The following RC3H1 variants were observed in gnomAD, a reference collection of about 807,000 sequenced individuals.
RC3H1 encodes ring finger and CCCH-type domains 1, also known as roquin-1.
Under a neutral mutation model 138.2 loss-of-function variants are expected in RC3H1, and 50 were observed. That is an observed-to-expected ratio of 0.36 (90% CI 0.29 to 0.46). The LOEUF is 0.46. Among genes scored for constraint, RC3H1 ranks in the 20% least tolerant of loss-of-function variants. RC3H1 has a pLI of 1.00. For synonymous variants in RC3H1, 462 were observed against 489.1 expected (o/e 0.94, Z 0.73); for missense variants, 1,031 against 1,388.1 (o/e 0.74, Z 4.09).
rs370550482 is a variant in RC3H1, at chr1:173,968,856, A to ATTT, written c.1334+1646_1334+1648dup. 2.4e-3 allele frequency among the ~76,000 whole-genome samples: 307 copies of ATTT among 128,078 alleles called. 7 individuals carry two copies. The highest frequency in any genetic ancestry group is 7.0e-3 in the African/African-American group (232 of 33,258). The allele number at this position is 128,078 out of a possible 152,430, so 84.0% of individuals were successfully genotyped here. ...ATTTCTGTTGTATTAAGGAATTTTG[A>ATTT]TTTTTTTTTTTTTTTTTTTGGAGAC... On this transcript the variant is annotated intron_variant, in intron 9 of 19. Coordinates refer to ENST00000367696, the MANE Select transcript of RC3H1 (RefSeq NM_172071.4).
At position 173,933,816 on chromosome 1, in the gene RC3H1, G is replaced by C. The variant is rs1381118444; in HGVS notation, c.*4905C>G. ...GCTTGTTTAGGTGCTAATGATGAAAGTAAAATTTGCTTTAGTTTAGTAGGT... is the reference window on the plus strand; with the variant it reads ...GCTTGTTTAGGTGCTAATGATGAAACTAAAATTTGCTTTAGTTTAGTAGGT... On this transcript the variant is annotated 3_prime_UTR_variant, in exon 20 of 20. Transcript: ENST00000367696. 6.6e-6 allele frequency: 1 copy of C among 152,138 alleles called. No homozygotes were observed. Among genetic ancestry groups the C allele is most frequent in the African/African-American group, 2.4e-5 (1 of 41,434 alleles). 9.4% of individuals were successfully genotyped at this position (152,138 alleles called of 1,614,324 possible).
At chr1:174,015,415 T>C (rs1316970962) in intron 1 of RC3H1, among the ~76,000 whole-genome samples, 1 of 151,482 alleles carries the variant, frequency 6.6e-6, no homozygotes, top group Non-Finnish European at 1.5e-5. Flanking sequence ...CAGGCTGGAG[T>C]GCAGTGGCAT....
At chr1:173,971,662 T>G (rs946526301) in intron 8 of RC3H1, among the ~76,000 whole-genome samples, 4 of 152,216 alleles carry the variant, frequency 2.6e-5, no homozygotes, top group Non-Finnish European at 4.4e-5. Context: ...TCAAGATGTC[T>G]AATGAAACAG....
chr1:173,951,132 C>G (rs1283160466), intron 14 of RC3H1, among the ~76,000 whole-genome samples: 1 of 152,074 alleles, frequency 6.6e-6, no homozygotes, highest in Non-Finnish European at 1.5e-5. Context: ...CAAGACCAGC[C>G]TGACCAACAT....
At chr1:173,991,736 A>T (rs192635870) in intron 2 of RC3H1, among the ~76,000 whole-genome samples, 29 of 152,218 alleles carry the variant, frequency 1.9e-4, no homozygotes, top group African/African-American at 6.5e-4. Flanking sequence ...CAATTTTGCA[A>T]CTTTTACTGA....
chr1:173,950,972 A>G (rs1207572332), intron 14 of RC3H1, among the ~76,000 whole-genome samples: 1 of 152,066 alleles, frequency 6.6e-6, no homozygotes, highest in African/African-American at 2.4e-5. Context: ...ACAGTGAACC[A>G]TAATCATGTT....
At chr1:173,980,007 A>G (rs1008373084) in intron 6 of RC3H1, among the ~76,000 whole-genome samples, 3 of 151,128 alleles carry the variant, frequency 2.0e-5, no homozygotes, top group Non-Finnish European at 2.9e-5. Flanking sequence ...CCTCCCAGGT[A>G]GCTGAGACTA....
At chr1:173,971,209 G>A (rs1052152622) in intron 8 of RC3H1, among the ~76,000 whole-genome samples, 46 of 152,142 alleles carry the variant, frequency 3.0e-4, no homozygotes, top group Admixed American at 4.6e-4. Flanking sequence ...TGATCCGCCT[G>A]CCTCAGCCTC....
chr1:173,969,031 G>A (rs1188626030), intron 9 of RC3H1, among the ~76,000 whole-genome samples: 2 of 151,554 alleles, frequency 1.3e-5, no homozygotes, highest in African/African-American at 4.8e-5. Context: ...GCTAATTTTT[G>A]TGTTTTTAGT....
chr1:173,946,216 T>C (rs900301861), intron 17 of RC3H1, among the ~76,000 whole-genome samples: 1 of 152,002 alleles, frequency 6.6e-6, no homozygotes, highest in African/African-American at 2.4e-5. Flanking sequence ...AAAAAAAACC[T>C]TAAATGTGCC....
At chr1:173,992,207 C>T (rs1431778971) in intron 2 of RC3H1, among the ~76,000 whole-genome samples, 12 of 152,104 alleles carry the variant, frequency 7.9e-5, no homozygotes, top group Admixed American at 1.3e-4. Context: ...GAGTGCAGCA[C>T]GATCTCGGCT....
At chr1:174,019,533 C>T (rs770755866) in intron 1 of RC3H1, among the ~76,000 whole-genome samples, 10 of 152,142 alleles carry the variant, frequency 6.6e-5, no homozygotes, top group South Asian at 4.1e-4. Flanking sequence ...AATGAGGAAG[C>T]TTAAATATTT....
chr1:174,007,445 G>T (rs1246653368), intron 1 of RC3H1, among the ~76,000 whole-genome samples: 1 of 151,858 alleles, frequency 6.6e-6, no homozygotes, highest in East Asian at 1.9e-4. Flanking sequence ...TTTGTACTTG[G>T]CTTCTTTCAT....
At chr1:173,944,770 G>A (rs1419872152) in intron 17 of RC3H1, among the ~76,000 whole-genome samples, 5 of 152,156 alleles carry the variant, frequency 3.3e-5, no homozygotes, top group Non-Finnish European at 7.3e-5. Flanking sequence ...CAAAATCTAA[G>A]TATTACATAG....
chr1:173,986,545 CCCT>C (rs1172794902), intron 2 of RC3H1, among the ~76,000 whole-genome samples: 2 of 151,234 alleles, frequency 1.3e-5, no homozygotes. Context: ...CTCCCTCTCT[CCCT>C]CCATGTCTCT....
intron 17 of RC3H1, 32 bp downstream of exon 17, chr1:173,946,444 A>T: frequency 1.3e-6 from 2 of 1,588,562 alleles, no homozygotes; most frequent in East Asian, 2.2e-5. Context: ...ACCCTTCAAA[A>T]ATTGGAATAA....
chr1:173,998,253 T>C (rs1436541802), intron 1 of RC3H1, among the ~76,000 whole-genome samples: 1 of 152,076 alleles, frequency 6.6e-6, no homozygotes, highest in African/African-American at 2.4e-5. Context: ...TCATTAGGAG[T>C]ATTTCTATTG....
intron 19 of RC3H1, 28 bp from the exon 20 acceptor site, chr1:173,938,899 GGA>G (rs749579449): frequency 4.4e-5 from 68 of 1,542,236 alleles, no homozygotes; most frequent in Non-Finnish European, 5.8e-5. Context: ...TTTTGAAAAA[GGA>G]GAGAGAGAAA....
At chr1:173,975,929 A>AAAAAATACAGT (rs1660560309) in intron 7 of RC3H1, among the ~76,000 whole-genome samples, 1 of 60,318 alleles carries the variant, frequency 1.7e-5, no homozygotes, top group Non-Finnish European at 2.6e-5. Context: ...AAAAAAAAAA[A>AAAAAATACAGT]AAAAATACAG....
Sources: gnomAD v4.1 joint callset for allele counts (sites outside exome capture counted in the v4.1 genomes callset) on GRCh38, gnomAD v4.1.1 for gene constraint, MANE v1.5 for transcripts, NCBI Gene and HGNC (gene_info 2026-07-23, HGNC 2026-07-21) for gene names.